IL1RAPL1: variants seen among roughly 807,000 people sequenced by gnomAD.
IL1RAPL1 encodes the protein interleukin 1 receptor accessory protein like 1, also known as interleukin-1 receptor accessory protein-like 1.
In IL1RAPL1, 3 loss-of-function variants were observed where a neutral mutation model predicts 48.4. That is an observed-to-expected ratio of 0.06 (90% CI 0.03 to 0.16). IL1RAPL1 has a LOEUF of 0.16. Ranked by LOEUF, IL1RAPL1 falls within the 10% of genes least tolerant of loss-of-function variation. The pLI is 1.00. For missense variants in IL1RAPL1, 349 were observed against 530.6 expected, an observed-to-expected ratio of 0.66 and a Z score of 3.36; for synonymous variants, 185 against 187.7, an observed-to-expected ratio of 0.99 and a Z score of 0.12.
At chrX:28,761,950 C>T (rs779406111) in intron 1 of IL1RAPL1, among the ~76,000 whole-genome samples, 7 of 111,636 alleles carry the variant, frequency 6.3e-5, no homozygotes, top group South Asian at 3.8e-4. Flanking sequence ...AAACCTGTTT[C>T]GCTATCTATA....
chrX:29,311,607 A>AT (rs768671539), intron 3 of IL1RAPL1, among the ~76,000 whole-genome samples: 2 of 112,185 alleles, frequency 1.8e-5, no homozygotes, highest in African/African-American at 6.5e-5. Flanking sequence ...CTGAATAACA[A>AT]TTTTTTTCAT....
intron 1 of IL1RAPL1, among the ~76,000 whole-genome samples, chrX:28,684,237 TG>T (rs947661868): frequency 3.6e-5 from 4 of 112,458 alleles, no homozygotes; most frequent in Non-Finnish European, 5.6e-5. Context: ...TTCATTTCAT[TG>T]TTGCCCTTTT....
chrX:29,006,647 ATGTGTGTGTGTGTGTGTG>A lies in IL1RAPL1; in HGVS notation c.82+217252_82+217269del, dbSNP rs547186942. Among the ~76,000 whole-genome samples, 198 of 76,926 alleles carry A rather than the reference ATGTGTGTGTGTGTGTGTG, an allele frequency of 2.6e-3. 4 individuals carry two copies. The highest frequency in any genetic ancestry group is 8.9e-3 in the African/African-American group (181 of 20,237). 66.8% of individuals were successfully genotyped at this position (76,926 alleles called of 115,157 possible). A position where few individuals can be genotyped will look rare whatever the true frequency, so the allele number is the denominator to read the frequency against. Reference sequence around the variant, plus strand: ...CCCACATTTGTGTGTGTTTATATATATGTGTGTGTGTGTGTGTGTGTGTGTGTGTGTGTGTGTGTGTGT... The same window carrying A: ...CCCACATTTGTGTGTGTTTATATATATGTGTGTGTGTGTGTGTGTGTGTGT... On this transcript the variant is annotated intron_variant, in intron 2 of 10. Coordinates refer to ENST00000378993, the MANE Select transcript of IL1RAPL1 (RefSeq NM_014271.4).
At chrX:29,803,082 T>C (rs1930055494) in intron 6 of IL1RAPL1, among the ~76,000 whole-genome samples, 1 of 89,363 alleles carries the variant, frequency 1.1e-5, no homozygotes, top group South Asian at 5.2e-4. Flanking sequence ...TATACATATA[T>C]GTGTATATGT....
At chrX:29,249,348 T>C (rs1408300268) in intron 2 of IL1RAPL1, among the ~76,000 whole-genome samples, 1 of 112,011 alleles carries the variant, frequency 8.9e-6, no homozygotes, top group Non-Finnish European at 1.9e-5. Context: ...GCTAGAATTA[T>C]TTTTGTTGTA....
At chrX:29,044,340 G>A (rs1926909305) in intron 2 of IL1RAPL1, among the ~76,000 whole-genome samples, 1 of 110,724 alleles carries the variant, frequency 9.0e-6, no homozygotes. Context: ...TCAGGCAGGA[G>A]AATCACTTGA....
chrX:29,717,323 G>T (rs1000671989), intron 6 of IL1RAPL1, among the ~76,000 whole-genome samples: 1 of 111,025 alleles, frequency 9.0e-6, no homozygotes, highest in African/African-American at 3.3e-5. Flanking sequence ...GAATGAGTAT[G>T]AAATAATAGC....
rs1475272959 is a variant in IL1RAPL1, at chrX:28,709,148, G to A, written c.-24-80172G>A. On this transcript the variant is annotated intron_variant, in intron 1 of 10. Coordinates refer to ENST00000378993, the MANE Select transcript of IL1RAPL1 (RefSeq NM_014271.4). ...GCATGTAATTATAATGCATAAACTC[G>A]ATCCTCGAGGAATTTGCAATTATCT... is the stretch of plus-strand genomic sequence containing the variant. 2.7e-5 allele frequency among the ~76,000 whole-genome samples: 3 copies of A among 112,085 alleles called. No homozygotes were observed. In the East Asian group the frequency reaches 8.4e-4, roughly 31 times the overall value.
chrX:28,770,214 T>C (rs993229967), intron 1 of IL1RAPL1, among the ~76,000 whole-genome samples: 1 of 112,030 alleles, frequency 8.9e-6, no homozygotes, highest in East Asian at 2.8e-4. Context: ...TTTAAGTGCA[T>C]ATGGTGAGCT....
At chrX:29,608,758 G>T (rs916173941) in intron 5 of IL1RAPL1, among the ~76,000 whole-genome samples, 2 of 103,103 alleles carry the variant, frequency 1.9e-5, no homozygotes, top group Admixed American at 1.1e-4. Context: ...CCTGGGAGGC[G>T]GAGCTTGCAG....
intron 1 of IL1RAPL1, among the ~76,000 whole-genome samples, chrX:28,615,109 C>T (rs150669901): frequency 9.3e-6 from 1 of 107,160 alleles, no homozygotes; most frequent in Non-Finnish European, 1.9e-5. Flanking sequence ...AGGATGGTCT[C>T]GACCTCCTGA....
intron 3 of IL1RAPL1, among the ~76,000 whole-genome samples, chrX:29,341,123 C>T (rs1602183099): frequency 9.4e-6 from 1 of 106,596 alleles, no homozygotes; most frequent in African/African-American, 3.4e-5. Flanking sequence ...AAGGCTAAAA[C>T]GTTATATCTG....
intron 2 of IL1RAPL1, among the ~76,000 whole-genome samples, chrX:29,027,320 T>C (rs1926507847): frequency 8.9e-6 from 1 of 112,228 alleles, no homozygotes; most frequent in Non-Finnish European, 1.9e-5. Context: ...TTAGCTTTTT[T>C]CACTTAGTAT....
intron 6 of IL1RAPL1, among the ~76,000 whole-genome samples, chrX:29,855,719 GT>G (rs200427350): frequency 4.3e-4 from 45 of 105,616 alleles, no homozygotes; most frequent in South Asian, 1.6e-3. Flanking sequence ...CCAATTTTGG[GT>G]TTTTTTTTTC....
At chrX:28,883,420 A>G (rs1255422476) in intron 2 of IL1RAPL1, among the ~76,000 whole-genome samples, 1 of 112,119 alleles carries the variant, frequency 8.9e-6, no homozygotes, top group African/African-American at 3.2e-5. Context: ...ATGTGGAGCT[A>G]TAAAGCATTT....
chrX:29,226,224 T>C (rs7052711), intron 2 of IL1RAPL1, among the ~76,000 whole-genome samples: 19,920 of 110,882 alleles, frequency 0.18, 2,250 homozygotes, highest in East Asian at 0.39. Context: ...GAATGATATC[T>C]TTTCATACTT....
intron 5 of IL1RAPL1, among the ~76,000 whole-genome samples, chrX:29,607,336 A>T (rs144979986): frequency 0.013 from 1,433 of 112,000 alleles, 23 homozygotes; most frequent in African/African-American, 0.043. Flanking sequence ...CTAGTAAGTC[A>T]TGACACACTG....
intron 8 of IL1RAPL1, among the ~76,000 whole-genome samples, chrX:29,938,687 T>A (rs1336954416): frequency 8.9e-6 from 1 of 112,754 alleles, no homozygotes; most frequent in African/African-American, 3.2e-5. Context: ...ATCCACACCA[T>A]AAACCTATTT....
intron 2 of IL1RAPL1, among the ~76,000 whole-genome samples, chrX:28,842,827 T>G (rs1342026192): frequency 9.0e-6 from 1 of 111,478 alleles, no homozygotes; most frequent in Non-Finnish European, 1.9e-5. Context: ...ATTAAACTTT[T>G]AAAATGGGAT....
Sources: allele counts gnomAD v4.1 joint callset (sites outside exome capture counted in the v4.1 genomes callset), GRCh38; gene constraint gnomAD v4.1.1; transcripts MANE v1.5; gene names NCBI Gene and HGNC (gene_info 2026-07-23, HGNC 2026-07-21).